The following NIPAL3 variants were observed in gnomAD, a reference collection of about 807,000 sequenced individuals.
The protein encoded by NIPAL3 is NIPA like domain containing 3.
Under a neutral mutation model 47.2 loss-of-function variants are expected in NIPAL3, and 41 were observed. That is an observed-to-expected ratio of 0.87 (90% CI 0.68 to 1.13). The LOEUF is 1.13. Ranked by LOEUF, NIPAL3 falls within the 50% of genes most tolerant of loss-of-function variation. The probability of loss-of-function intolerance (pLI) is 0.00; values close to 1 mark genes in which losing one functional copy is unlikely to be tolerated. For synonymous variants in NIPAL3, 194 were observed against 209.6 expected (o/e 0.93, Z 0.64); for missense variants, 449 against 530.1 (o/e 0.85, Z 1.50).
rs1251912831 is a variant in NIPAL3 at position 24,419,540 on chromosome 1, A to G, written c.-8A>G. On this transcript the variant is annotated 5_prime_UTR_variant, in exon 2 of 12. The change abolishes the stop of an existing upstream ORF in the 5' untranslated region. Coordinates refer to ENST00000374399, the MANE Select transcript of NIPAL3 (RefSeq NM_020448.5). ...GCCAGGCCCTGTGGGATGCGCCACT[A>G]GACCACCATGGACGGATCCCACAGC... The G allele has an allele frequency of 6.2e-7, 1 of 1,610,524 alleles. No individual in the cohort carries two copies. Among genetic ancestry groups the G allele is most frequent in the East Asian group, 2.2e-5 (1 of 44,584 alleles).
rs958376349 is a variant in NIPAL3, at chr1:24,423,441, C to G, written c.93+3801C>G. 1.7e-4 allele frequency among the ~76,000 whole-genome samples: 26 copies of G among 152,110 alleles called. 1 individual carries two copies. The highest frequency in any genetic ancestry group is 4.8e-5 in the African/African-American group (2 of 41,422). On this transcript the variant is annotated intron_variant, in intron 2 of 11. Transcript: ENST00000374399. The stretch of plus-strand genomic sequence containing the variant: ...GGATCACGAGGTCAGGAGATCGAGA[C>G]CACGGTGAAACCCCATCTCTACTCA...
chr1:24,466,749 C>T (rs1646715260), intron 11 of NIPAL3, among the ~76,000 whole-genome samples: 1 of 152,198 alleles, frequency 6.6e-6, no homozygotes, highest in South Asian at 2.1e-4. Flanking sequence ...AGGGCATTGA[C>T]AAAATCCAAA....
At chr1:24,452,838 C>T (rs1646003222) in intron 6 of NIPAL3, among the ~76,000 whole-genome samples, 1 of 151,176 alleles carries the variant, frequency 6.6e-6, no homozygotes, top group Admixed American at 6.6e-5. Flanking sequence ...AGGCAGATGC[C>T]ACCACGCCCA....
chr1:24,462,280 T>C (rs1223908549), intron 10 of NIPAL3, among the ~76,000 whole-genome samples: 3 of 152,146 alleles, frequency 2.0e-5, no homozygotes, highest in Non-Finnish European at 4.4e-5. Context: ...GGAACTACAA[T>C]TCAAGATGAG....
At chr1:24,431,910 T>C (rs189075926) in intron 2 of NIPAL3, among the ~76,000 whole-genome samples, 1 of 152,056 alleles carries the variant, frequency 6.6e-6, no homozygotes, top group East Asian at 1.9e-4. Flanking sequence ...ATGTCTTCCT[T>C]GACCACCCCA....
At chr1:24,417,703 C>T (rs987779314) in intron 1 of NIPAL3, among the ~76,000 whole-genome samples, 1 of 152,244 alleles carries the variant, frequency 6.6e-6, no homozygotes, top group Non-Finnish European at 1.5e-5. Context: ...GTTTCTGTAG[C>T]TGTCCCTATG....
rs1454690847 is a variant in NIPAL3 at position 24,419,489 on chromosome 1, C to T, written c.-59C>T. 5.3e-6 allele frequency: 8 copies of T among 1,504,162 alleles called. No homozygotes were observed. The highest frequency in any genetic ancestry group is 5.1e-5 in the East Asian group (2 of 39,376). The allele number at this position is 1,504,162 out of a possible 1,614,324, so 93.2% of individuals were successfully genotyped here. On this transcript the variant is annotated 5_prime_UTR_variant, in exon 2 of 12. Transcript: ENST00000374399. ...GAGAGATGGCATCTGGCCTGGGCCCCGCCTAGCAGCAGCTCCACCTCCTAG... is the reference window on the plus strand; with the variant it reads ...GAGAGATGGCATCTGGCCTGGGCCCTGCCTAGCAGCAGCTCCACCTCCTAG...
Position 24,472,172 on chromosome 1 carries a change from GT to G in NIPAL3, c.*2990del, listed in dbSNP as rs1248399327. On this transcript the variant is annotated 3_prime_UTR_variant, in exon 12 of 12. Transcript: ENST00000374399. ...GCCTGGGAAGCTCCCTTGCCTTCGG[GT>G]TTGGAGCAGTGGCATCATCCCACCA... 1 of 152,176 alleles carries G rather than the reference GT, an allele frequency of 6.6e-6. No homozygotes were observed. Among genetic ancestry groups the G allele is most frequent in the Non-Finnish European group, 1.5e-5 (1 of 68,062 alleles). The allele number at this position is 152,176 out of a possible 1,614,324, so 9.4% of individuals were successfully genotyped here.
At chr1:24,418,364 C>T (rs1342085130) in intron 1 of NIPAL3, among the ~76,000 whole-genome samples, 1 of 152,142 alleles carries the variant, frequency 6.6e-6, no homozygotes, top group African/African-American at 2.4e-5. Flanking sequence ...TGAGAAGTGG[C>T]ACACACCTGT....
At chr1:24,463,602 G>A (rs750540132) in intron 10 of NIPAL3, among the ~76,000 whole-genome samples, 2 of 152,182 alleles carry the variant, frequency 1.3e-5, no homozygotes, top group Admixed American at 6.5e-5. Flanking sequence ...CTACCTGGCC[G>A]AGTGAGACCA....
rs1570288196 is a variant in NIPAL3, at chr1:24,442,244, C to T, written c.334+18C>T. ...TGTGATAGGTAAGACCAGGGCTGCC[C>T]CACCCTCCCCTGGGGTGCTCCCAGC... On this transcript the variant is annotated intron_variant, in intron 4 of 11. Coordinates refer to ENST00000374399, the MANE Select transcript of NIPAL3 (RefSeq NM_020448.5). 1 of 1,610,982 alleles carries T rather than the reference C, an allele frequency of 6.2e-7. No homozygotes were observed. Among genetic ancestry groups the T allele is most frequent in the East Asian group, 2.2e-5 (1 of 44,832 alleles).
rs1646887654 is a variant in NIPAL3, at chr1:24,471,147, A to G, written c.*1962A>G. 6.6e-6 allele frequency: 1 copy of G among 152,234 alleles called. No homozygotes were observed. The highest frequency in any genetic ancestry group is 1.5e-5 in the Non-Finnish European group (1 of 68,058). 9.4% of individuals were successfully genotyped at this position (152,234 alleles called of 1,614,324 possible). ...CTCATAGATGGGTGGCAAATCTAAG[A>G]TTTGTATAAAGCATATAAAATAGGG... On this transcript the variant is annotated 3_prime_UTR_variant, in exon 12 of 12. Transcript: ENST00000374399.
In NIPAL3 at chr1:24,425,509, C is replaced by T. The variant is rs2148759766; in HGVS notation, c.93+5869C>T. Among the ~76,000 whole-genome samples the T allele has an allele frequency of 3.3e-5, 5 of 152,178 alleles. 1 individual carries two copies. The East Asian group carries it at 7.7e-4, about 24-fold the overall frequency. ...GAAGATACATTTTCACAAGTGTTTA[C>T]CCCTCAAGACAGAATTCGACACAAA... On this transcript the variant is annotated intron_variant, in intron 2 of 11. Coordinates refer to ENST00000374399, the MANE Select transcript of NIPAL3 (RefSeq NM_020448.5).
At chr1:24,456,900 C>T (rs1008479510) in intron 8 of NIPAL3, among the ~76,000 whole-genome samples, 5 of 152,032 alleles carry the variant, frequency 3.3e-5, no homozygotes, top group African/African-American at 9.7e-5. Context: ...GTAGCTGGGA[C>T]TACAGGTGTA....
At chr1:24,442,568 G>C (rs1273767724) in intron 4 of NIPAL3, among the ~76,000 whole-genome samples, 1 of 152,190 alleles carries the variant, frequency 6.6e-6, no homozygotes, top group Non-Finnish European at 1.5e-5. Context: ...TTCTGTTTAA[G>C]ATTCAGAAGG....
chr1:24,437,321 T>A (rs1441635169), intron 2 of NIPAL3, among the ~76,000 whole-genome samples: 1 of 152,232 alleles, frequency 6.6e-6, no homozygotes, highest in Non-Finnish European at 1.5e-5. Context: ...TAATTAGTTC[T>A]GTGGTAAGGT....
chr1:24,465,863 A>G, intron 11 of NIPAL3: 1 of 1,310,786 alleles, frequency 7.6e-7, no homozygotes, highest in Non-Finnish European at 1.0e-6. Context: ...AACCTTTGGA[A>G]GTTTCACACA....
Position 24,442,122 on chromosome 1 carries a change from G to A in NIPAL3, c.230G>A (p.Trp77Ter). 1 of 1,614,206 alleles carries A rather than the reference G, an allele frequency of 6.2e-7. No individual in the cohort carries two copies. Among genetic ancestry groups the A allele is most frequent in the Non-Finnish European group, 8.5e-7 (1 of 1,180,024 alleles). ...GCCTATTTCAAGACCAAGACATGGT[G>A]GCTGGGCCTGTTCCTGATGCTTCTG... The part of the protein sequence containing the change: ...PRAYFKTKTW[W>*]LGLFLMLLGE... The change falls in exon 4 of 12, where the codon TGG (tryptophan) becomes TAG (stop). Residue 77 changes from tryptophan to a stop codon, truncating the protein, a stop_gained. Transcript: ENST00000374399. LOFTEE classifies it high-confidence loss of function.
intron 2 of NIPAL3, among the ~76,000 whole-genome samples, chr1:24,427,457 T>C (rs1644643376): frequency 1.3e-5 from 2 of 152,262 alleles, no homozygotes. Context: ...ATCATGTCTG[T>C]CTGTAACTGG....
Sources: gnomAD v4.1 joint callset for allele counts (sites outside exome capture counted in the v4.1 genomes callset) on GRCh38, gnomAD v4.1.1 for gene constraint, MANE v1.5 for transcripts, NCBI Gene and HGNC (gene_info 2026-07-23, HGNC 2026-07-21) for gene names.